The following IFT43 variants were observed in gnomAD, a reference collection of about 807,000 sequenced individuals.
The protein encoded by IFT43 is intraflagellar transport protein 43 homolog.
Under a neutral mutation model 32.3 loss-of-function variants are expected in IFT43, and 33 were observed. The ratio of observed to expected loss-of-function variants is 1.02; its 90% confidence interval spans 0.77 to 1.37. The LOEUF (loss-of-function observed/expected upper bound fraction) is 1.37. Ranked by LOEUF, IFT43 falls within the 40% of genes most tolerant of loss-of-function variation. The pLI, the probability that IFT43 is intolerant of heterozygous loss-of-function variation, is 0.00. For missense variants in IFT43, 274 were observed against 265.9 expected (o/e 1.03, Z -0.21); for synonymous variants, 93 against 98.2 (o/e 0.95, Z 0.31).
At chr14:76,030,136 C>T (rs1384449930) in intron 3 of IFT43, among the ~76,000 whole-genome samples, 1 of 152,068 alleles carries the variant, frequency 6.6e-6, no homozygotes, top group Non-Finnish European at 1.5e-5. Flanking sequence ...CTACTTTGGC[C>T]TCCCCAAGTG....
chr14:75,999,266 TATATATGTATA>T lies in IFT43; in HGVS notation c.147+10290_147+10300del, dbSNP rs1475918366. Reference sequence around the variant, plus strand: ...ATATATATATATATATATATATATATATATATGTATATATATTTTTTTTTTTTTTTTTTTAA... The same window carrying T: ...ATATATATATATATATATATATATATTATATTTTTTTTTTTTTTTTTTTAA... On this transcript the variant is annotated intron_variant, in intron 2 of 8. Coordinates refer to ENST00000314067, the MANE Select transcript of IFT43 (RefSeq NM_001102564.3). Among the ~76,000 whole-genome samples, 87 of 25,290 alleles carry T rather than the reference TATATATGTATA, an allele frequency of 3.4e-3. 1 individual carries two copies. The highest frequency in any genetic ancestry group is 6.6e-3 in the African/African-American group (30 of 4,558). The allele number at this position is 25,290 out of a possible 152,430, so 16.6% of individuals were successfully genotyped here.
chr14:76,083,736 T>C lies in IFT43; in HGVS notation c.*159T>C. 1.3e-6 allele frequency: 1 copy of C among 749,504 alleles called. No individual in the cohort carries two copies. Among genetic ancestry groups the C allele is most frequent in the Non-Finnish European group, 2.3e-6 (1 of 432,684 alleles). 46.4% of individuals were successfully genotyped at this position (749,504 alleles called of 1,614,324 possible). On this transcript the variant is annotated 3_prime_UTR_variant, in exon 9 of 9. Coordinates refer to ENST00000314067, the MANE Select transcript of IFT43 (RefSeq NM_001102564.3). ...TTCAATTGCAATAAATTGCTTATTCTGTGCCATCTCCTCCATTTCTTTCCA... is the reference window on the plus strand; with the variant it reads ...TTCAATTGCAATAAATTGCTTATTCCGTGCCATCTCCTCCATTTCTTTCCA...
At chr14:76,014,880 A>G (rs150842381) in intron 2 of IFT43, among the ~76,000 whole-genome samples, 168 of 152,228 alleles carry the variant, frequency 1.1e-3, no homozygotes, top group African/African-American at 3.8e-3. Flanking sequence ...TTCCTGGAAC[A>G]ATTCTGTGTC....
At chr14:76,019,015 G>A (rs924063376) in intron 2 of IFT43, among the ~76,000 whole-genome samples, 1 of 152,048 alleles carries the variant, frequency 6.6e-6, no homozygotes, top group Non-Finnish European at 1.5e-5. Flanking sequence ...GGTTATTATT[G>A]ATGGCTAAGG....
At chr14:76,034,337 T>C (rs1255174804) in intron 3 of IFT43, among the ~76,000 whole-genome samples, 1 of 152,212 alleles carries the variant, frequency 6.6e-6, no homozygotes, top group African/African-American at 2.4e-5. Context: ...TTATGTCTCT[T>C]CCTTGTCCCC....
At chr14:76,026,390 C>G (rs1335679887) in intron 3 of IFT43, among the ~76,000 whole-genome samples, 2 of 151,984 alleles carry the variant, frequency 1.3e-5, no homozygotes, top group Non-Finnish European at 2.9e-5. Flanking sequence ...GAATCCCCAT[C>G]TCTACTAAAA....
intron 2 of IFT43, among the ~76,000 whole-genome samples, chr14:76,006,512 G>A (rs1566703562): frequency 6.6e-6 from 1 of 152,114 alleles, no homozygotes; most frequent in Non-Finnish European, 1.5e-5. Context: ...TTTAACACTG[G>A]TGTATGCATA....
intron 5 of IFT43, among the ~76,000 whole-genome samples, chr14:76,081,410 C>T (rs2037508348): frequency 6.6e-6 from 1 of 152,206 alleles, no homozygotes; most frequent in African/African-American, 2.4e-5. Context: ...TCTCCCCCAC[C>T]CCTGACCGTT....
chr14:76,012,593 A>G (rs776104963), intron 2 of IFT43, among the ~76,000 whole-genome samples: 58 of 152,184 alleles, frequency 3.8e-4, no homozygotes, highest in Non-Finnish European at 4.7e-4. Flanking sequence ...GGAGCTATGC[A>G]GGGTCCTGCC....
chr14:76,043,617 A>G (rs1305918678), intron 3 of IFT43, among the ~76,000 whole-genome samples: 1 of 152,212 alleles, frequency 6.6e-6, no homozygotes, highest in African/African-American at 2.4e-5. Context: ...AGATGTAAAA[A>G]GAAATCTGTT....
intron 2 of IFT43, among the ~76,000 whole-genome samples, chr14:76,020,269 G>A (rs930644970): frequency 1.1e-4 from 17 of 151,992 alleles, no homozygotes; most frequent in South Asian, 4.1e-4. Context: ...CACCGCACCC[G>A]GCCTTCTTTG....
At chr14:75,990,726 C>A (rs2035621759) in intron 2 of IFT43, among the ~76,000 whole-genome samples, 1 of 152,092 alleles carries the variant, frequency 6.6e-6, no homozygotes, top group Non-Finnish European at 1.5e-5. Flanking sequence ...CAGACCCAAC[C>A]CTGGATCTCA....
intron 3 of IFT43, among the ~76,000 whole-genome samples, chr14:76,054,879 A>G (rs561827256): frequency 1.9e-4 from 29 of 152,346 alleles, no homozygotes; most frequent in Non-Finnish European, 3.2e-4. Context: ...GAGGTGCTCC[A>G]GGACCCATAA....
chr14:76,032,352 A>C (rs1397717952), intron 3 of IFT43, among the ~76,000 whole-genome samples: 1 of 152,202 alleles, frequency 6.6e-6, no homozygotes, highest in Non-Finnish European at 1.5e-5. Flanking sequence ...TGACTCTTTT[A>C]AAACATCAGT....
chr14:76,036,594 A>G (rs748088905), intron 3 of IFT43, among the ~76,000 whole-genome samples: 1 of 151,716 alleles, frequency 6.6e-6, no homozygotes, highest in Non-Finnish European at 1.5e-5. Flanking sequence ...TAGTAGAGAC[A>G]AGGTTTTGCC....
intron 5 of IFT43, among the ~76,000 whole-genome samples, chr14:76,069,393 C>G (rs1424256637): frequency 6.6e-6 from 1 of 152,048 alleles, no homozygotes; most frequent in African/African-American, 2.4e-5. Flanking sequence ...AAGTCAGGGG[C>G]CCTGGAGGAG....
At chr14:76,029,066 C>G (rs1436453800) in intron 3 of IFT43, among the ~76,000 whole-genome samples, 1 of 152,216 alleles carries the variant, frequency 6.6e-6, no homozygotes, top group African/African-American at 2.4e-5. Context: ...AGTGGCTAAA[C>G]TAATTTACAT....
chr14:76,020,583 G>A (rs535877260), intron 2 of IFT43, among the ~76,000 whole-genome samples: 1 of 151,974 alleles, frequency 6.6e-6, no homozygotes, highest in Non-Finnish European at 1.5e-5. Context: ...TTTGATTCTG[G>A]GTGGGTGCAG....
chr14:76,058,929 C>CT, intron 4 of IFT43: 1 of 1,447,108 alleles, frequency 6.9e-7, no homozygotes, highest in Non-Finnish European at 9.0e-7. Context: ...TATCAGGGTA[C>CT]TGGCCCATGC....
Sources: allele counts gnomAD v4.1 joint callset (sites outside exome capture counted in the v4.1 genomes callset), GRCh38; gene constraint gnomAD v4.1.1; transcripts MANE v1.5; gene names NCBI Gene and HGNC (gene_info 2026-07-23, HGNC 2026-07-21).